Variants in RD3L observed in about 807,000 individuals in gnomAD.
RD3L encodes the protein protein RD3-like.
In RD3L, 6 loss-of-function variants were observed where a neutral mutation model predicts 12.5. The observed-to-expected ratio is 0.48, with a 90% CI of 0.26 to 0.95. The LOEUF (loss-of-function observed/expected upper bound fraction) is 0.95, where lower values mean the gene tolerates loss of function less well. Among genes scored for constraint, RD3L ranks in the 40% least tolerant of loss-of-function variants. The pLI is 0.14. For missense variants in RD3L, 234 were observed against 228.6 expected (o/e 1.02, Z -0.15); for synonymous variants, 87 against 79.3 (o/e 1.10, Z -0.52).
intron 2 of RD3L, 64 bp downstream of exon 2, chr14:103,941,333 C>A: frequency 8.1e-7 from 1 of 1,236,832 alleles, no homozygotes; most frequent in South Asian, 1.5e-5. Flanking sequence ...AGTTTCTAGT[C>A]AAAATATATG....
In RD3L at chr14:103,941,432, T is replaced by G. The variant is rs1566726194; in HGVS notation, c.264A>C (p.Gln88His). The G allele has an allele frequency of 1.3e-6, 2 of 1,535,354 alleles. No homozygotes were observed. Among genetic ancestry groups the G allele is most frequent in the South Asian group, 2.4e-5 (2 of 84,030 alleles). ...EQRQLEVLCS[Q>H]VQPCQTGTIL... The stretch of plus-strand genomic sequence containing the variant: ...TAGTTCCAGTTTGGCAAGGTTGAAC[T>G]TGTGAGCAAAGAACTTCAAGTTGTC... Residue 88 changes from glutamine to histidine, a missense_variant, in exon 2 of 3, where the codon CAA (glutamine) becomes CAC (histidine). By Grantham distance (24) the Gln-to-His change is conservative (BLOSUM62 0). Transcript: ENST00000557640.
rs1253495919 is a variant in RD3L, at chr14:103,940,541, T to A, written c.*265A>T. On this transcript the variant is annotated 3_prime_UTR_variant, in exon 3 of 3. Coordinates refer to ENST00000557640, the MANE Select transcript of RD3L (RefSeq NM_001257268.2). Reference sequence around the variant, plus strand: ...GACTTCATACTAAAGTTGCTTTAGTTCCTGTGAGGTGGGTTTGAGGTATAA... The same window carrying A: ...GACTTCATACTAAAGTTGCTTTAGTACCTGTGAGGTGGGTTTGAGGTATAA... The A allele has an allele frequency of 9.7e-6, 3 of 310,708 alleles. No individual in the cohort carries two copies. The highest frequency in any genetic ancestry group is 1.8e-5 in the Non-Finnish European group (3 of 168,858). The allele number at this position is 310,708 out of a possible 1,614,324, so 19.2% of individuals were successfully genotyped here. A position where few individuals can be genotyped will look rare whatever the true frequency, so the allele number is the denominator to read the frequency against.
At position 103,940,724 on chromosome 14, in the gene RD3L, A is replaced by T. The variant is rs987988087; in HGVS notation, c.*82T>A. On this transcript the variant is annotated 3_prime_UTR_variant, in exon 3 of 3. Coordinates refer to ENST00000557640, the MANE Select transcript of RD3L (RefSeq NM_001257268.2). ...GATACTGACCTTGTAACAAAGAAAAACTTGAAGTCACATCACTTTTTCTTA... is the reference window on the plus strand; with the variant it reads ...GATACTGACCTTGTAACAAAGAAAATCTTGAAGTCACATCACTTTTTCTTA... 9.9e-5 allele frequency: 93 copies of T among 936,600 alleles called. No homozygotes were observed. In the African/African-American group the frequency reaches 1.5e-3, roughly 15 times the overall value. 58.0% of individuals were successfully genotyped at this position (936,600 alleles called of 1,614,324 possible).
rs1317544803 is a variant in RD3L at position 103,940,886 on chromosome 14, C to T, written c.517G>A (p.Val173Ile). Reference protein sequence around the residue: ...KDEIPTISSYVDKNTKDRFPV... With the variant: ...KDEIPTISSYIDKNTKDRFPV... Reference sequence around the variant, plus strand: ...AACCTGTCCTTTGTGTTTTTGTCTACGTAACTGGAAATGGTGGGTATTTCA... The same window carrying T: ...AACCTGTCCTTTGTGTTTTTGTCTATGTAACTGGAAATGGTGGGTATTTCA... The change falls in exon 3 of 3, where the codon GTA becomes ATA. Residue 173 changes from valine to isoleucine, a missense_variant. Val to Ile is a conservative substitution (Grantham distance 29, BLOSUM62 3). Coordinates refer to ENST00000557640, the MANE Select transcript of RD3L (RefSeq NM_001257268.2). The T allele has an allele frequency of 1.9e-5, 29 of 1,535,270 alleles. 1 individual carries two copies. In the Admixed American group the frequency reaches 3.1e-4, roughly 17 times the overall value.
chr14:103,940,906 A>C lies in RD3L; in HGVS notation c.497T>G (p.Ile166Arg), dbSNP rs35337422. 196,901 of 1,534,972 alleles carry C rather than the reference A, an allele frequency of 0.13. 14,196 individuals carry two copies. Among genetic ancestry groups the C allele is most frequent in the Non-Finnish European group, 0.15 (167,609 of 1,146,354 alleles). ...DSSKRADKDEIPTISSYVDKN... is the reference protein window; with the variant it reads ...DSSKRADKDERPTISSYVDKN... The stretch of plus-strand genomic sequence containing the variant: ...GTCTACGTAACTGGAAATGGTGGGT[A>C]TTTCATCTTTGTCTGCCCTCTTGGA... The change falls in exon 3 of 3, where the codon ATA becomes AGA. Residue 166 changes from isoleucine (I) to arginine (R), a missense_variant. Ile to Arg is a moderately conservative substitution (Grantham distance 97). Transcript: ENST00000557640.
In RD3L at chr14:103,940,899, G is replaced by A; in HGVS notation, c.504C>T (p.Thr168=). The A allele has an allele frequency of 1.3e-6, 2 of 1,535,226 alleles. No individual in the cohort carries two copies. The highest frequency in any genetic ancestry group is 1.4e-5 in the African/African-American group (1 of 73,138). Residue 168 remains threonine, a synonymous_variant, in exon 3 of 3, where the codon ACC becomes ACT. Coordinates refer to ENST00000557640, the MANE Select transcript of RD3L (RefSeq NM_001257268.2). ...TGTTTTTGTCTACGTAACTGGAAATGGTGGGTATTTCATCTTTGTCTGCCC... is the reference window on the plus strand; with the variant it reads ...TGTTTTTGTCTACGTAACTGGAAATAGTGGGTATTTCATCTTTGTCTGCCC... ...SKRADKDEIP[T]ISSYVDKNTK... is the part of the protein sequence containing the mutation.
chr14:103,940,866 G>C lies in RD3L; in HGVS notation c.537C>G (p.Asp179Glu). The C allele has an allele frequency of 1.3e-6, 2 of 1,535,332 alleles. No homozygotes were observed. The highest frequency in any genetic ancestry group is 1.4e-5 in the African/African-American group (1 of 73,138). Residue 179 changes from aspartate (D) to glutamate (E), a missense_variant, in exon 3 of 3, where the codon GAC becomes GAG. Transcript: ENST00000557640. ...TTCTGTGTGAGAACACTGGGAACCT[G>C]TCCTTTGTGTTTTTGTCTACGTAAC... ...ISSYVDKNTK[D>E]RFPVFSHRIW...
In RD3L at chr14:103,940,972, C is replaced by T. The variant is rs1173926971; in HGVS notation, c.431G>A (p.Ser144Asn). The T allele has an allele frequency of 6.5e-7, 1 of 1,535,474 alleles. No individual in the cohort carries two copies. Among genetic ancestry groups the T allele is most frequent in the South Asian group, 1.2e-5 (1 of 84,058 alleles). ...SEQEDLEDSG[S>N]MDCSAPSVIQ... is the part of the protein sequence containing the mutation. ...CACAGAAGGAGCAGAGCAGTCCATGCTCCCTGAGTCCTCCAGGTCCTCTTG... is the reference window on the plus strand; with the variant it reads ...CACAGAAGGAGCAGAGCAGTCCATGTTCCCTGAGTCCTCCAGGTCCTCTTG... Residue 144 changes from serine to asparagine, a missense_variant, in exon 3 of 3, where the codon AGC (serine) becomes AAC (asparagine). By Grantham distance (46) the Ser-to-Asn change is conservative (BLOSUM62 1). Transcript: ENST00000557640.
Position 103,940,699 on chromosome 14 carries a change from G to T in RD3L, c.*107C>A. On this transcript the variant is annotated 3_prime_UTR_variant, in exon 3 of 3. Coordinates refer to ENST00000557640, the MANE Select transcript of RD3L (RefSeq NM_001257268.2). ...TTTAAAACATAGGCTACATCCACAG[G>T]ATACTGACCTTGTAACAAAGAAAAA... 1 of 700,098 alleles carries T rather than the reference G, an allele frequency of 1.4e-6. No homozygotes were observed. The highest frequency in any genetic ancestry group is 1.9e-5 in the South Asian group (1 of 51,288). The allele number at this position is 700,098 out of a possible 1,614,324, so 43.4% of individuals were successfully genotyped here. A position where few individuals can be genotyped will look rare whatever the true frequency, so the allele number is the denominator to read the frequency against.
In RD3L at chr14:103,941,610, G is replaced by A; in HGVS notation, c.86C>T (p.Thr29Ile). Residue 29 changes from threonine (T) to isoleucine (I), a missense_variant, in exon 2 of 3, where the codon ACT becomes ATT. By Grantham distance (89) the Thr-to-Ile change is moderately conservative (BLOSUM62 -1). Coordinates refer to ENST00000557640, the MANE Select transcript of RD3L (RefSeq NM_001257268.2). ...HYPGSDIVTK[T>I]LLRELKWHLK... ...GTGCCATTTTAATTCCCGAAGCAGA[G>A]TCTTTGTCACTATGTCTGAGCCAGG... 6.5e-7 allele frequency: 1 copy of A among 1,535,212 alleles called. No homozygotes were observed. Among genetic ancestry groups the A allele is most frequent in the South Asian group, 1.2e-5 (1 of 84,046 alleles).
Position 103,940,561 on chromosome 14 carries a change from G to C in RD3L, c.*245C>G, listed in dbSNP as rs1376627210. ...TTAGTTCCTGTGAGGTGGGTTTGAG[G>C]TATAAGAAAATACTGCAAACATTTT... is the stretch of plus-strand genomic sequence containing the variant. On this transcript the variant is annotated 3_prime_UTR_variant, in exon 3 of 3. Coordinates refer to ENST00000557640, the MANE Select transcript of RD3L (RefSeq NM_001257268.2). 3 of 372,040 alleles carry C rather than the reference G, an allele frequency of 8.1e-6. No homozygotes were observed. Among genetic ancestry groups the C allele is most frequent in the Admixed American group, 4.2e-5 (1 of 23,814 alleles). 23.0% of individuals were successfully genotyped at this position (372,040 alleles called of 1,614,324 possible). A position where few individuals can be genotyped will look rare whatever the true frequency, so the allele number is the denominator to read the frequency against.
At position 103,941,571 on chromosome 14, in the gene RD3L, T is replaced by A; in HGVS notation, c.125A>T (p.Glu42Val). 2 of 1,535,396 alleles carry A rather than the reference T, an allele frequency of 1.3e-6. No homozygotes were observed. Among genetic ancestry groups the A allele is most frequent in the Non-Finnish European group, 1.7e-6 (2 of 1,146,686 alleles). ...RELKWHLKER[E>V]RLIQEIENEQ... is the part of the protein sequence containing the mutation. Reference sequence around the variant, plus strand: ...ATTTTCGATTTCTTGTATTAATCTCTCTCGCTCCTTTAGGTGCCATTTTAA... The same window carrying A: ...ATTTTCGATTTCTTGTATTAATCTCACTCGCTCCTTTAGGTGCCATTTTAA... The change falls in exon 2 of 3, where the codon GAG (glutamate) becomes GTG (valine). Residue 42 changes from glutamate to valine, a missense_variant. Physicochemically the swap from Glu to Val is moderately radical, Grantham distance 121. Coordinates refer to ENST00000557640, the MANE Select transcript of RD3L (RefSeq NM_001257268.2).
Position 103,941,703 on chromosome 14 carries a change from C to T in RD3L, c.-7-1G>A. 1.3e-6 allele frequency: 2 copies of T among 1,490,290 alleles called. No homozygotes were observed. Among genetic ancestry groups the T allele is most frequent in the Non-Finnish European group, 1.8e-6 (2 of 1,124,850 alleles). 92.3% of individuals were successfully genotyped at this position (1,490,290 alleles called of 1,614,324 possible). On this transcript the variant is annotated splice_acceptor_variant, in intron 1 of 2. Transcript: ENST00000557640. LOFTEE classifies it low-confidence loss of function (5UTR_SPLICE). ...CCAGCCAAAAAGTGGCATTTTTAGC[C>T]TATGGAAATATTTTCACTTGTTTAT...
In RD3L at chr14:103,942,347, C is replaced by G. The variant is rs1408105720; in HGVS notation, c.-263G>C. On this transcript the variant is annotated 5_prime_UTR_variant, in exon 1 of 3. Coordinates refer to ENST00000557640, the MANE Select transcript of RD3L (RefSeq NM_001257268.2). The stretch of plus-strand genomic sequence containing the variant: ...AAGCTAGAAGAAATGACAAAAATAA[C>G]TGACTATTTAATCTTCACAAGTTAT... 3.3e-5 allele frequency: 5 copies of G among 152,224 alleles called. No individual in the cohort carries two copies. The highest frequency in any genetic ancestry group is 1.3e-4 in the Admixed American group (2 of 15,284). The allele number at this position is 152,224 out of a possible 1,614,324, so 9.4% of individuals were successfully genotyped here.
In RD3L at chr14:103,940,923, C is replaced by T; in HGVS notation, c.480G>A (p.Arg160=). The change falls in exon 3 of 3, where the codon AGG becomes AGA. Residue 160 remains arginine, a synonymous_variant. Coordinates refer to ENST00000557640, the MANE Select transcript of RD3L (RefSeq NM_001257268.2). ...PSVIQGDSSK[R]ADKDEIPTIS... ...TGGTGGGTATTTCATCTTTGTCTGCCCTCTTGGAGCTGTCACCTTGGATCA... is the reference window on the plus strand; with the variant it reads ...TGGTGGGTATTTCATCTTTGTCTGCTCTCTTGGAGCTGTCACCTTGGATCA... 2.0e-6 allele frequency: 3 copies of T among 1,535,278 alleles called. No homozygotes were observed. Among genetic ancestry groups the T allele is most frequent in the Non-Finnish European group, 2.6e-6 (3 of 1,146,704 alleles).
Position 103,941,522 on chromosome 14 carries a change from A to T in RD3L, c.174T>A (p.Gly58=), listed in dbSNP as rs563244510. ...AGTTTCTGAGCCAGTTGTAATCCAC[A>T]CCTGTTTTTTTCACTTTTTGTTCAT... The part of the protein sequence containing the change: ...IENEQKVKKT[G]VDYNWLRNYQ... The change falls in exon 2 of 3, where the codon GGT becomes GGA. Residue 58 remains glycine, a synonymous_variant. Coordinates refer to ENST00000557640, the MANE Select transcript of RD3L (RefSeq NM_001257268.2). The T allele has an allele frequency of 7.2e-5, 110 of 1,534,794 alleles. 1 individual carries two copies. In the East Asian group the frequency reaches 2.7e-3, roughly 37 times the overall value.
chr14:103,941,078 C>A lies in RD3L; in HGVS notation c.325G>T (p.Asp109Tyr), dbSNP rs1032645745. ...SRFREVLAENDVLPWEIVYIF... is the reference protein window; with the variant it reads ...SRFREVLAENYVLPWEIVYIF... ...TAGACTATTTCCCATGGCAGTACAT[C>A]ATTTTCTGCCAAAACTTCTCGAAAT... The change falls in exon 3 of 3, where the codon GAT (aspartate) becomes TAT (tyrosine). Residue 109 changes from aspartate (D) to tyrosine (Y), a missense_variant. Physicochemically the swap from Asp to Tyr is radical, Grantham distance 160 (BLOSUM62 -3). Transcript: ENST00000557640. The A allele has an allele frequency of 1.9e-5, 29 of 1,533,962 alleles. No homozygotes were observed. The African/African-American group carries it at 3.4e-4, about 18-fold the overall frequency.
chr14:103,940,621 A>G lies in RD3L; in HGVS notation c.*185T>C, dbSNP rs1005178773. The G allele has an allele frequency of 1.8e-5, 9 of 497,570 alleles. No individual in the cohort carries two copies. The highest frequency in any genetic ancestry group is 2.8e-5 in the Non-Finnish European group (8 of 283,090). The allele number at this position is 497,570 out of a possible 1,614,324, so 30.8% of individuals were successfully genotyped here. On this transcript the variant is annotated 3_prime_UTR_variant, in exon 3 of 3. Coordinates refer to ENST00000557640, the MANE Select transcript of RD3L (RefSeq NM_001257268.2). ...CTTAGGAAACATTTTAGTTAAAAGC[A>G]TACTATTCAATGAAAACATAGCATG...
Position 103,941,558 on chromosome 14 carries a change from T to C in RD3L, c.138A>G (p.Gln46=). Residue 46 remains glutamine (Q), a synonymous_variant, in exon 2 of 3, where the codon CAA becomes CAG. Transcript: ENST00000557640. ...WHLKERERLI[Q]EIENEQKVKK... is the part of the protein sequence containing the mutation. ...TCACTTTTTGTTCATTTTCGATTTC[T>C]TGTATTAATCTCTCTCGCTCCTTTA... The C allele has an allele frequency of 1.3e-6, 2 of 1,535,424 alleles. No homozygotes were observed. The highest frequency in any genetic ancestry group is 1.4e-5 in the African/African-American group (1 of 73,162).
Sources: allele counts gnomAD v4.1 joint callset, GRCh38; gene constraint gnomAD v4.1.1; transcripts MANE v1.5; gene names NCBI Gene and HGNC (gene_info 2026-07-23, HGNC 2026-07-21).